COL4A4: variants seen among roughly 807,000 people sequenced by gnomAD.
The protein encoded by COL4A4 is collagen type IV alpha 4 chain.
Under a neutral mutation model 192.9 loss-of-function variants are expected in COL4A4, and 105 were observed. That is an observed-to-expected ratio of 0.54 (90% CI 0.46 to 0.64). The LOEUF is 0.64. COL4A4 is among the 30% of genes least tolerant of loss of function. The pLI is 0.00. For synonymous variants in COL4A4, 762 were observed against 769.9 expected (o/e 0.99, Z 0.17); for missense variants, 1,967 against 2,169.3 (o/e 0.91, Z 1.85).
chr2:227,126,317 A>C (rs2062085160), intron 4 of COL4A4, among the ~76,000 whole-genome samples: 1 of 152,318 alleles, frequency 6.6e-6, no homozygotes, highest in Non-Finnish European at 1.5e-5. Context: ...GCAAAGAGAT[A>C]AGTGTAAATG....
intron 37 of COL4A4, among the ~76,000 whole-genome samples, chr2:227,035,091 C>G (rs1345352995): frequency 6.6e-6 from 1 of 151,994 alleles, no homozygotes; most frequent in Admixed American, 6.6e-5. Context: ...ATGTCCACCC[C>G]ACACTGTGAA....
intron 42 of COL4A4, 153 bp downstream of exon 42, chr2:227,027,749 T>A: frequency 1.7e-6 from 1 of 600,974 alleles, no homozygotes; most frequent in Non-Finnish European, 3.0e-6. Flanking sequence ...CATGAGACTT[T>A]GTAGTGCGGC....
chr2:227,055,804 A>G (rs1975195345), intron 30 of COL4A4, 141 bp downstream of exon 30: 1 of 745,020 alleles, frequency 1.3e-6, no homozygotes, highest in Non-Finnish European at 2.3e-6. Context: ...AGAGGACAAG[A>G]GCAAGGGAGG....
At chr2:227,017,568 A>C (rs1372610407) in intron 44 of COL4A4, among the ~76,000 whole-genome samples, 2 of 152,216 alleles carry the variant, frequency 1.3e-5, no homozygotes, top group African/African-American at 4.8e-5. Context: ...CACTGTAGGA[A>C]GCTTCAGCCT....
At chr2:227,119,817 AT>A in intron 6 of COL4A4, 77 bp downstream of exon 6, 1 of 810,450 alleles carries the variant, frequency 1.2e-6, no homozygotes. Flanking sequence ...TTTTATGTAT[AT>A]ATACATGTGG....
chr2:227,026,361 G>A (rs1339657485), intron 42 of COL4A4, among the ~76,000 whole-genome samples: 1 of 152,056 alleles, frequency 6.6e-6, no homozygotes, highest in Non-Finnish European at 1.5e-5. Context: ...AGCTGCGTGA[G>A]GTGGCGGGCG....
At chr2:227,086,771 C>A (rs1405025553) in intron 22 of COL4A4, among the ~76,000 whole-genome samples, 2 of 152,172 alleles carry the variant, frequency 1.3e-5, no homozygotes, top group Admixed American at 1.3e-4. Context: ...TTAAAATCTT[C>A]ACTAAGAAGA....
At chr2:227,067,645 G>A (rs377460625) in intron 25 of COL4A4, among the ~76,000 whole-genome samples, 3 of 152,040 alleles carry the variant, frequency 2.0e-5, no homozygotes, top group Non-Finnish European at 2.9e-5. Flanking sequence ...TGAAGGCAGA[G>A]ATAAAGATGT....
chr2:227,108,949 G>C, intron 10 of COL4A4, 81 bp from the exon 11 acceptor site: 1 of 1,362,790 alleles, frequency 7.3e-7, no homozygotes, highest in Non-Finnish European at 1.0e-6. Context: ...CCCCAAAATA[G>C]GGTCCTATTT....
At chr2:227,045,400 A>T (rs1972264609) in intron 35 of COL4A4, among the ~76,000 whole-genome samples, 1 of 151,962 alleles carries the variant, frequency 6.6e-6, no homozygotes, top group Admixed American at 6.6e-5. Flanking sequence ...TTTGTCATGA[A>T]CTCCCATAAT....
intron 4 of COL4A4, among the ~76,000 whole-genome samples, chr2:227,134,133 T>A (rs1211693296): frequency 6.6e-6 from 1 of 152,096 alleles, no homozygotes; most frequent in East Asian, 1.9e-4. Context: ...CTGGGTTTTT[T>A]AAAAATTCTG....
chr2:227,124,461 A>G (rs776015306), intron 4 of COL4A4, among the ~76,000 whole-genome samples: 6 of 152,208 alleles, frequency 3.9e-5, no homozygotes, highest in Non-Finnish European at 5.9e-5. Flanking sequence ...ATCTGCCTAA[A>G]TTTTACAAAT....
chr2:227,155,929 A>T (rs1324713775), intron 1 of COL4A4, among the ~76,000 whole-genome samples: 1 of 152,156 alleles, frequency 6.6e-6, no homozygotes, highest in Non-Finnish European at 1.5e-5. Flanking sequence ...GCCCCTGTGA[A>T]CACTTCATTT....
At chr2:227,078,129 T>C in intron 24 of COL4A4, 52 bp from the exon 25 acceptor site, 1 of 1,583,916 alleles carries the variant, frequency 6.3e-7, no homozygotes, top group Non-Finnish European at 8.7e-7. Flanking sequence ...GTCCATGAAC[T>C]CAAAGCAGTC....
chr2:227,128,967 G>C lies in COL4A4; in HGVS notation c.193-7819C>G, dbSNP rs561669127. Among the ~76,000 whole-genome samples the C allele has an allele frequency of 2.0e-5, 3 of 152,202 alleles. No homozygotes were observed. The East Asian group carries it at 5.8e-4, about 29-fold the overall frequency. ...CCCACCCTCTGCCCCAATCACACTT[G>C]TTTCCATGAGGTCAGAGTAGCCTTT... On this transcript the variant is annotated intron_variant, in intron 4 of 47. Coordinates refer to ENST00000396625, the MANE Select transcript of COL4A4 (RefSeq NM_000092.5).
chr2:227,135,831 G>C (rs1034007208), intron 4 of COL4A4, among the ~76,000 whole-genome samples: 6 of 151,712 alleles, frequency 4.0e-5, no homozygotes, highest in Non-Finnish European at 2.9e-5. Context: ...TTTAGTAGAG[G>C]TGGGGTTTCA....
chr2:227,140,213 C>T lies in COL4A4; in HGVS notation c.140G>A (p.Cys47Tyr). Residue 47 changes from cysteine to tyrosine, a missense_variant, in exon 4 of 48, where the codon TGT (cysteine) becomes TAT (tyrosine). Coordinates refer to ENST00000396625, the MANE Select transcript of COL4A4 (RefSeq NM_000092.5). ...YGSGKKYIGPCGGRDCSVCHC... is the reference protein window; with the variant it reads ...YGSGKKYIGPYGGRDCSVCHC... ...GCAAACAGAGCAATCTCTTCCTCCA[C>T]AAGGACCAATGTATTTCTTTCCACT... 1 of 1,614,132 alleles carries T rather than the reference C, an allele frequency of 6.2e-7. No homozygotes were observed. Among genetic ancestry groups the T allele is most frequent in the Non-Finnish European group, 8.5e-7 (1 of 1,179,994 alleles).
the COL4A4 span, among the ~76,000 whole-genome samples, chr2:226,967,702 G>A: frequency 6.6e-6 from 1 of 152,164 alleles, no homozygotes; most frequent in South Asian, 2.1e-4. Context: ...TGTTATAGTG[G>A]AAAGAAGGTA....
At chr2:227,063,172 A>G (rs552394999) in intron 25 of COL4A4, among the ~76,000 whole-genome samples, 1 of 152,204 alleles carries the variant, frequency 6.6e-6, no homozygotes, top group African/African-American at 2.4e-5. Flanking sequence ...ATCTAGTAGC[A>G]TCATCCCCCA....
Sources: allele counts gnomAD v4.1 joint callset (sites outside exome capture counted in the v4.1 genomes callset), GRCh38; gene constraint gnomAD v4.1.1; transcripts MANE v1.5; gene names NCBI Gene and HGNC (gene_info 2026-07-23, HGNC 2026-07-21).